Variants in TRPM6 observed in about 807,000 individuals in gnomAD.
The protein encoded by TRPM6 is transient receptor potential cation channel subfamily M member 6.
A neutral mutation model predicts 247.6 loss-of-function variants in TRPM6; 111 were observed. The ratio of observed to expected loss-of-function variants is 0.45; its 90% CI spans 0.38 to 0.52. The LOEUF (loss-of-function observed/expected upper bound fraction) is 0.52. Ranked by LOEUF, TRPM6 falls within the 20% of genes least tolerant of loss-of-function variation. TRPM6 has a pLI of 0.00. For missense variants in TRPM6, 2,126 were observed against 2,421.5 expected, an observed-to-expected ratio of 0.88 and a Z score of 2.56; for synonymous variants, 892 against 853.8, an observed-to-expected ratio of 1.04 and a Z score of -0.78.
At chr9:74,832,467 G>A (rs2118109754) in intron 6 of TRPM6, among the ~76,000 whole-genome samples, 1 of 152,252 alleles carries the variant, frequency 6.6e-6, no homozygotes, top group African/African-American at 2.4e-5. Flanking sequence ...GATAGTCAGT[G>A]ATACTCAGAA....
intron 1 of TRPM6, among the ~76,000 whole-genome samples, chr9:74,862,618 C>A (rs968248788): frequency 6.6e-6 from 1 of 152,164 alleles, no homozygotes; most frequent in Non-Finnish European, 1.5e-5. Flanking sequence ...ATGTGAAATT[C>A]ATTTATGTTT....
chr9:74,734,021 A>G, intron 36 of TRPM6, among the ~76,000 whole-genome samples: 1 of 152,210 alleles, frequency 6.6e-6, no homozygotes, highest in East Asian at 1.9e-4. Flanking sequence ...AATAAAATTT[A>G]CCTTTGAAAA....
At chr9:74,871,170 T>C (rs1287289331) in intron 1 of TRPM6, among the ~76,000 whole-genome samples, 1 of 151,632 alleles carries the variant, frequency 6.6e-6, no homozygotes. Context: ...CTAAACCAGC[T>C]CCTGGCAATT....
intron 18 of TRPM6, among the ~76,000 whole-genome samples, chr9:74,795,132 G>A (rs981985692): frequency 1.3e-5 from 2 of 151,918 alleles, no homozygotes; most frequent in African/African-American, 2.4e-5. Context: ...CCTTCAAGAC[G>A]GCCTTGTTTA....
intron 31 of TRPM6, among the ~76,000 whole-genome samples, chr9:74,747,358 G>A (rs1399569208): frequency 6.6e-6 from 1 of 152,194 alleles, no homozygotes; most frequent in African/African-American, 2.4e-5. Flanking sequence ...GATGGAACAA[G>A]AACACAGAAG....
intron 3 of TRPM6, among the ~76,000 whole-genome samples, chr9:74,845,873 TACA>T (rs1365884399): frequency 6.6e-6 from 1 of 152,118 alleles, no homozygotes; most frequent in East Asian, 1.9e-4. Flanking sequence ...ATGCATTATC[TACA>T]ACATGTTGAA....
chr9:74,847,349 G>A (rs550484893), intron 3 of TRPM6, among the ~76,000 whole-genome samples: 31 of 152,084 alleles, frequency 2.0e-4, no homozygotes, highest in Non-Finnish European at 3.2e-4. Flanking sequence ...TACAGGCAAC[G>A]ACTATCACGT....
chr9:74,866,167 T>A (rs1342986274), intron 1 of TRPM6, among the ~76,000 whole-genome samples: 1 of 152,204 alleles, frequency 6.6e-6, no homozygotes, highest in Non-Finnish European at 1.5e-5. Context: ...GAAACATTTT[T>A]AAAAAGAAGT....
chr9:74,772,252 T>C (rs940105428), intron 24 of TRPM6, among the ~76,000 whole-genome samples: 8 of 152,142 alleles, frequency 5.3e-5, no homozygotes, highest in Non-Finnish European at 8.8e-5. Context: ...CACTCCAGCA[T>C]GGGCTAAAAA....
intron 28 of TRPM6, among the ~76,000 whole-genome samples, chr9:74,753,735 C>T (rs544216082): frequency 1.3e-5 from 2 of 152,266 alleles, no homozygotes; most frequent in South Asian, 4.1e-4. Context: ...CCTGACAGGG[C>T]ATCTGCCTAT....
intron 6 of TRPM6, among the ~76,000 whole-genome samples, chr9:74,828,898 C>A (rs1267642389): frequency 6.6e-6 from 1 of 152,102 alleles, no homozygotes; most frequent in Non-Finnish European, 1.5e-5. Flanking sequence ...AGGACTGGCA[C>A]CAGTACATAG....
At chr9:74,816,991 T>C (rs763605691) in intron 9 of TRPM6, 27 bp from the exon 10 acceptor site, 2 of 1,594,592 alleles carry the variant, frequency 1.3e-6, no homozygotes, top group Non-Finnish European at 1.7e-6. Context: ...CAGAGAGCCA[T>C]ACATTTGGGG....
At chr9:74,780,260 G>A (rs368748704) in intron 23 of TRPM6, among the ~76,000 whole-genome samples, 1 of 152,168 alleles carries the variant, frequency 6.6e-6, no homozygotes, top group South Asian at 2.1e-4. Context: ...TTTGAGACCA[G>A]CCTGGCCAAC....
chr9:74,749,286 G>GA (rs751290094), intron 30 of TRPM6, among the ~76,000 whole-genome samples: 11 of 152,128 alleles, frequency 7.2e-5, no homozygotes, highest in South Asian at 2.1e-4. Flanking sequence ...AATCCCTATA[G>GA]TATCAATAAA....
intron 3 of TRPM6, among the ~76,000 whole-genome samples, chr9:74,850,893 A>T (rs1830285546): frequency 6.6e-6 from 1 of 152,184 alleles, no homozygotes; most frequent in South Asian, 2.1e-4. Flanking sequence ...AACAAGGGTC[A>T]CCCTTCAAAA....
intron 1 of TRPM6, among the ~76,000 whole-genome samples, chr9:74,880,519 G>A (rs1831328288): frequency 6.6e-6 from 1 of 151,966 alleles, no homozygotes; most frequent in South Asian, 2.1e-4. Flanking sequence ...CAAGCCAGGA[G>A]AGAATGCAAT....
chr9:74,736,160 T>C (rs527531861), intron 36 of TRPM6, among the ~76,000 whole-genome samples: 5 of 152,350 alleles, frequency 3.3e-5, no homozygotes, highest in African/African-American at 9.6e-5. Flanking sequence ...TCTCAATTCT[T>C]GCCCTTAACA....
chr9:74,823,747 G>C (rs1829214551), intron 7 of TRPM6, among the ~76,000 whole-genome samples: 1 of 152,140 alleles, frequency 6.6e-6, no homozygotes, highest in Non-Finnish European at 1.5e-5. Flanking sequence ...AAAAACACTT[G>C]TAAGTGAATT....
chr9:74,781,551 A>AAG (rs1554698839), intron 23 of TRPM6, among the ~76,000 whole-genome samples: 45 of 148,522 alleles, frequency 3.0e-4, no homozygotes, highest in South Asian at 4.2e-4. Context: ...AAAAAAAAAA[A>AAG]AAGAAGAAAA....
Sources: gnomAD v4.1 joint callset for allele counts (sites outside exome capture counted in the v4.1 genomes callset) on GRCh38, gnomAD v4.1.1 for gene constraint, MANE v1.5 for transcripts, NCBI Gene and HGNC (gene_info 2026-07-23, HGNC 2026-07-21) for gene names.